The following TRIM58 variants were observed in gnomAD, a reference collection of about 807,000 sequenced individuals.
TRIM58 encodes E3 ubiquitin-protein ligase TRIM58.
A neutral mutation model predicts 34.1 loss-of-function variants in TRIM58; 38 were observed. The observed-to-expected ratio is 1.12, with a 90% confidence interval of 0.86 to 1.46. The LOEUF (loss-of-function observed/expected upper bound fraction) is 1.46. Ranked by LOEUF, TRIM58 falls within the 40% of genes most tolerant of loss-of-function variation. The pLI, the probability that TRIM58 is intolerant of heterozygous loss-of-function variation, is 0.00. For missense variants in TRIM58, 677 were observed against 642.0 expected (o/e 1.05, Z -0.59); for synonymous variants, 273 against 275.7 (o/e 0.99, Z 0.10).
intron 3 of TRIM58, 47 bp from the exon 4 acceptor site, chr1:247,867,798 A>G (rs756912918): frequency 1.2e-6 from 2 of 1,612,910 alleles, no homozygotes; most frequent in African/African-American, 1.3e-5. Flanking sequence ...TGACTGTGAA[A>G]AGCAGTTCAG....
chr1:247,865,691 A>G (rs1359976288), intron 3 of TRIM58, among the ~76,000 whole-genome samples: 1 of 152,210 alleles, frequency 6.6e-6, no homozygotes, highest in Non-Finnish European at 1.5e-5. Context: ...TTTGTTTTTA[A>G]TCCTCTGTGA....
chr1:247,866,676 C>G (rs908805657), intron 3 of TRIM58, among the ~76,000 whole-genome samples: 1 of 152,158 alleles, frequency 6.6e-6, no homozygotes, highest in Non-Finnish European at 1.5e-5. Context: ...AATCATAGCT[C>G]ACTGCAGCCT....
Position 247,879,223 on chromosome 1 carries a change from G to A in TRIM58, c.*2734G>A, listed in dbSNP as rs1367765602. Among the ~76,000 whole-genome samples, 1 of 152,170 alleles carries A rather than the reference G, an allele frequency of 6.6e-6. No individual in the cohort carries two copies. The highest frequency in any genetic ancestry group is 1.5e-5 in the Non-Finnish European group (1 of 68,040). On this transcript the variant is annotated 3_prime_UTR_variant, in exon 6 of 6. Coordinates refer to ENST00000366481, the MANE Select transcript of TRIM58 (RefSeq NM_015431.4). ...TCCATTCTTTTGATTGCTTAAGCCA[G>A]GCATCCGATTGAGTACTTTCTTGAT...
In TRIM58 at chr1:247,877,421, A is replaced by AG. The variant is rs1054602226; in HGVS notation, c.*932_*933insG. 2.0e-5 allele frequency: 3 copies of AG among 151,830 alleles called. No individual in the cohort carries two copies. The highest frequency in any genetic ancestry group is 2.0e-4 in the Admixed American group (3 of 15,240). 9.4% of individuals were successfully genotyped at this position (151,830 alleles called of 1,614,324 possible). On this transcript the variant is annotated 3_prime_UTR_variant, in exon 6 of 6. Transcript: ENST00000366481. ...CCCTGTCTCTACTAAAAAAAAAAAAAAAATAGAAAAATTAGCTGGGCATGG... is the reference window on the plus strand; with the variant it reads ...CCCTGTCTCTACTAAAAAAAAAAAAAGAAATAGAAAAATTAGCTGGGCATGG...
chr1:247,875,652 T>C (rs1659266287), intron 5 of TRIM58, among the ~76,000 whole-genome samples: 2 of 152,078 alleles, frequency 1.3e-5, no homozygotes, highest in South Asian at 2.1e-4. Context: ...GTTGTTTTTT[T>C]TTGGGAAAGT....
At position 247,876,494 on chromosome 1, in the gene TRIM58, C is replaced by T; in HGVS notation, c.*5C>T. 1 of 1,609,414 alleles carries T rather than the reference C, an allele frequency of 6.2e-7. No homozygotes were observed. Among genetic ancestry groups the T allele is most frequent in the Non-Finnish European group, 8.5e-7 (1 of 1,177,060 alleles). On this transcript the variant is annotated 3_prime_UTR_variant, in exon 6 of 6. Coordinates refer to ENST00000366481, the MANE Select transcript of TRIM58 (RefSeq NM_015431.4). ...GTAAGAGATGATCATCTCTAAAATT[C>T]TGTTCCCAAGATGCAGTCCTAGCGT...
At chr1:247,871,955 T>C (rs995773987) in intron 5 of TRIM58, among the ~76,000 whole-genome samples, 2 of 152,056 alleles carry the variant, frequency 1.3e-5, no homozygotes, top group African/African-American at 4.8e-5. Context: ...ACCCAGCAAA[T>C]ATATGATCTG....
intron 3 of TRIM58, among the ~76,000 whole-genome samples, chr1:247,867,431 C>G (rs1012093859): frequency 3.3e-5 from 5 of 152,162 alleles, no homozygotes; most frequent in African/African-American, 1.2e-4. Context: ...TGGTGACTCA[C>G]GCCTGTAATC....
In TRIM58 at chr1:247,857,349, T is replaced by A. The variant is rs764834597; in HGVS notation, c.103T>A (p.Phe35Ile). 6 of 1,514,520 alleles carry A rather than the reference T, an allele frequency of 4.0e-6. No homozygotes were observed. Among genetic ancestry groups the A allele is most frequent in the Non-Finnish European group, 5.3e-6 (6 of 1,129,138 alleles). The allele number at this position is 1,514,520 out of a possible 1,614,324, so 93.8% of individuals were successfully genotyped here. ...EPVSVDCGHS[F>I]CLRCISEFCE... The stretch of plus-strand genomic sequence containing the variant: ...GGTCAGCGTGGACTGCGGCCACAGC[T>A]TCTGCCTCAGGTGCATCTCCGAGTT... Residue 35 changes from phenylalanine to isoleucine, a missense_variant, in exon 1 of 6, where the codon TTC becomes ATC. Physicochemically the swap from Phe to Ile is conservative, Grantham distance 21 (BLOSUM62 0). Transcript: ENST00000366481.
chr1:247,870,474 T>C (rs112380656), intron 5 of TRIM58, among the ~76,000 whole-genome samples: 3 of 50,068 alleles, frequency 6.0e-5, no homozygotes, highest in Admixed American at 2.1e-4. Flanking sequence ...CGGCCACCCA[T>C]AGAGCCTGCA....
Position 247,861,941 on chromosome 1 carries a change from C to T in TRIM58, c.516+1229C>T, listed in dbSNP as rs557590223. On this transcript the variant is annotated intron_variant, in intron 2 of 5. Transcript: ENST00000366481. The stretch of plus-strand genomic sequence containing the variant: ...GAGTTCGAGACCAGCCTGACCAACA[C>T]GGAGAAACCCCGTCTCTACTAAAAA... 5.3e-5 allele frequency among the ~76,000 whole-genome samples: 8 copies of T among 151,536 alleles called. No homozygotes were observed. The South Asian group carries it at 1.0e-3, about 20-fold the overall frequency.
chr1:247,862,622 T>C (rs940741826), intron 2 of TRIM58, among the ~76,000 whole-genome samples: 2 of 152,216 alleles, frequency 1.3e-5, no homozygotes, highest in Admixed American at 1.3e-4. Context: ...ACCATAGATC[T>C]ATAAAATCAG....
intron 5 of TRIM58, among the ~76,000 whole-genome samples, chr1:247,871,595 T>C (rs1659122510): frequency 6.6e-6 from 1 of 152,208 alleles, no homozygotes; most frequent in Admixed American, 6.5e-5. Context: ...CACGTTCTCC[T>C]GGGTAGATGA....
rs566651856 is a variant in TRIM58, at chr1:247,879,387, C to G, written c.*2898C>G. Reference sequence around the variant, plus strand: ...TCCTGCCCCTCTGGATTATGACTTTCGTTTCCTCACAGTGGTCCTGCTTGG... The same window carrying G: ...TCCTGCCCCTCTGGATTATGACTTTGGTTTCCTCACAGTGGTCCTGCTTGG... On this transcript the variant is annotated 3_prime_UTR_variant, in exon 6 of 6. Coordinates refer to ENST00000366481, the MANE Select transcript of TRIM58 (RefSeq NM_015431.4). Among the ~76,000 whole-genome samples the G allele has an allele frequency of 6.6e-6, 1 of 152,170 alleles. No homozygotes were observed. Among genetic ancestry groups the G allele is most frequent in the South Asian group, 2.1e-4 (1 of 4,826 alleles).
Position 247,872,896 on chromosome 1 carries a change from A to G in TRIM58, c.872-3004A>G, listed in dbSNP as rs185059882. ...TGGAAAAGGGAGATTTTCCAGCACA[A>G]GTAGATTCTCAGTGTTGAGAGATAC... On this transcript the variant is annotated intron_variant, in intron 5 of 5. Transcript: ENST00000366481. 1.1e-3 allele frequency among the ~76,000 whole-genome samples: 162 copies of G among 152,310 alleles called. 1 individual carries two copies. Among genetic ancestry groups the G allele is most frequent in the African/African-American group, 3.7e-3 (152 of 41,580 alleles).
Position 247,857,423 on chromosome 1 carries a change from G to T in TRIM58, c.177G>T (p.Gln59His). 6.7e-7 allele frequency: 1 copy of T among 1,489,240 alleles called. No homozygotes were observed. The highest frequency in any genetic ancestry group is 9.0e-7 in the Non-Finnish European group (1 of 1,115,324). The allele number at this position is 1,489,240 out of a possible 1,614,324, so 92.3% of individuals were successfully genotyped here. The stretch of plus-strand genomic sequence containing the variant: ...AGGGCGGCGTCTACGCCTGTCCGCA[G>T]TGCCGGGGCCCCTTCCGGCCCTCGG... ...GAQGGVYACP[Q>H]CRGPFRPSGF... The change falls in exon 1 of 6, where the codon CAG becomes CAT. Residue 59 changes from glutamine to histidine, a missense_variant. Coordinates refer to ENST00000366481, the MANE Select transcript of TRIM58 (RefSeq NM_015431.4).
intron 5 of TRIM58, among the ~76,000 whole-genome samples, chr1:247,871,730 A>G (rs990304420): frequency 6.6e-6 from 1 of 152,242 alleles, no homozygotes; most frequent in Non-Finnish European, 1.5e-5. Flanking sequence ...TATCTCACCC[A>G]TTCTTTTAAA....
intron 1 of TRIM58, among the ~76,000 whole-genome samples, chr1:247,857,915 C>G (rs146942726): frequency 9.8e-5 from 15 of 152,296 alleles, no homozygotes; most frequent in South Asian, 4.1e-4. Flanking sequence ...ACTCTCCTGT[C>G]GTCGAACTCG....
chr1:247,878,554 C>T lies in TRIM58; in HGVS notation c.*2065C>T, dbSNP rs139814092. 1.3e-5 allele frequency among the ~76,000 whole-genome samples: 2 copies of T among 152,324 alleles called. No homozygotes were observed. The highest frequency in any genetic ancestry group is 2.4e-5 in the African/African-American group (1 of 41,574). On this transcript the variant is annotated 3_prime_UTR_variant, in exon 6 of 6. Transcript: ENST00000366481. The stretch of plus-strand genomic sequence containing the variant: ...CACAGGCCATGTGTGCCCTAGCCCT[C>T]GTTCATGCAAGGTCTGTGTAGGGAA...
Sources: allele counts gnomAD v4.1 joint callset (sites outside exome capture counted in the v4.1 genomes callset), GRCh38; gene constraint gnomAD v4.1.1; transcripts MANE v1.5; gene names NCBI Gene and HGNC (gene_info 2026-07-23, HGNC 2026-07-21).